Variants in KCNIP1 observed in about 807,000 individuals in gnomAD.
KCNIP1 encodes the protein potassium voltage-gated channel interacting protein 1, also known as A-type potassium channel modulatory protein KCNIP1.
KCNIP1 carries 18 observed loss-of-function variants against 33.0 expected under a neutral mutation model. The observed-to-expected ratio is 0.55, with a 90% confidence interval of 0.38 to 0.81. The LOEUF is 0.81. Among genes scored for constraint, KCNIP1 ranks in the 30% least tolerant of loss-of-function variants. The pLI is 0.00. For missense variants in KCNIP1, 238 were observed against 271.6 expected, an observed-to-expected ratio of 0.88 and a Z score of 0.87; for synonymous variants, 93 against 98.3, an observed-to-expected ratio of 0.95 and a Z score of 0.32.
chr5:170,657,435 C>CA (rs1761316517), intron 1 of KCNIP1, among the ~76,000 whole-genome samples: 1 of 152,198 alleles, frequency 6.6e-6, no homozygotes, highest in Admixed American at 6.5e-5. Flanking sequence ...AGGCACCCAC[C>CA]ACCGCCTTGG....
intron 1 of KCNIP1, among the ~76,000 whole-genome samples, chr5:170,717,478 C>G (rs1763678294): frequency 1.3e-5 from 2 of 152,078 alleles, no homozygotes; most frequent in Non-Finnish European, 2.9e-5. Context: ...ATATGTATTG[C>G]CCAGCACATG....
At chr5:170,451,804 G>C (rs1036686097) in intron 1 of KCNIP1, among the ~76,000 whole-genome samples, 2 of 144,436 alleles carry the variant, frequency 1.4e-5, no homozygotes, top group African/African-American at 5.2e-5. Context: ...TGCTGTCCTG[G>C]GTGTCCGTGA....
chr5:170,507,546 A>G (rs1362501034), intron 1 of KCNIP1, among the ~76,000 whole-genome samples: 1 of 152,216 alleles, frequency 6.6e-6, no homozygotes, highest in African/African-American at 2.4e-5. Flanking sequence ...CCAGATAACT[A>G]GGACCAAAAA....
intron 1 of KCNIP1, among the ~76,000 whole-genome samples, chr5:170,642,803 A>G (rs946920086): frequency 5.3e-5 from 8 of 152,220 alleles, no homozygotes; most frequent in East Asian, 1.9e-4. Context: ...ACATAATGCA[A>G]TGTAACTTGC....
intron 1 of KCNIP1, among the ~76,000 whole-genome samples, chr5:170,656,996 C>CTTTTTTT (rs397999901): frequency 9.1e-6 from 1 of 109,736 alleles, no homozygotes; most frequent in African/African-American, 3.7e-5. Flanking sequence ...TTCTTTCTTT[C>CTTTTTTT]TTTTTTTTTT....
chr5:170,472,469 T>C (rs1756754544), intron 1 of KCNIP1, among the ~76,000 whole-genome samples: 1 of 152,172 alleles, frequency 6.6e-6, no homozygotes, highest in Non-Finnish European at 1.5e-5. Flanking sequence ...GTACAGGTGG[T>C]GTTTGGTTAC....
intron 1 of KCNIP1, among the ~76,000 whole-genome samples, chr5:170,390,517 A>AAAAAATATATATATATATATATATAT: frequency 1.3e-5 from 1 of 74,538 alleles, no homozygotes; most frequent in Non-Finnish European, 2.5e-5. Flanking sequence ...AAAAAAAACA[A>AAAAAATATATATATATATATATATAT]ATATATATAT....
intron 1 of KCNIP1, among the ~76,000 whole-genome samples, chr5:170,539,206 A>C (rs1756103481): frequency 6.6e-6 from 1 of 152,090 alleles, no homozygotes; most frequent in Admixed American, 6.5e-5. Flanking sequence ...GTCACTATTA[A>C]TTCATATGTC....
chr5:170,570,614 C>T (rs574761950), intron 1 of KCNIP1, among the ~76,000 whole-genome samples: 1 of 152,354 alleles, frequency 6.6e-6, no homozygotes, highest in Non-Finnish European at 1.5e-5. Flanking sequence ...CAGCATTCCT[C>T]AGCCTGCTCA....
At chr5:170,359,032 G>A (rs116484364) in intron 1 of KCNIP1, among the ~76,000 whole-genome samples, 296 of 152,308 alleles carry the variant, frequency 1.9e-3, no homozygotes, top group African/African-American at 6.9e-3. Context: ...GTCATGCAAA[G>A]GGTTGTGACA....
At chr5:170,596,724 A>T (rs745781382) in intron 1 of KCNIP1, among the ~76,000 whole-genome samples, 1 of 152,222 alleles carries the variant, frequency 6.6e-6, no homozygotes, top group East Asian at 1.9e-4. Flanking sequence ...AGACCTGCTT[A>T]ATCAGTGGGG....
intron 1 of KCNIP1, among the ~76,000 whole-genome samples, chr5:170,705,897 C>T (rs147288857): frequency 9.8e-5 from 15 of 152,286 alleles, no homozygotes; most frequent in African/African-American, 3.6e-4. Flanking sequence ...ATGGAAATAA[C>T]ATTTTTGAGC....
Position 170,603,581 on chromosome 5 carries a change from G to A in KCNIP1, c.61+98948G>A, listed in dbSNP as rs538041954. On this transcript the variant is annotated intron_variant, in intron 1 of 7. Transcript: ENST00000328939. Reference sequence around the variant, plus strand: ...CAAGATAGGCTGTGCACAGGGGTCTGAGCAGGACCCTTGGGGCAGGAGGAG... The same window carrying A: ...CAAGATAGGCTGTGCACAGGGGTCTAAGCAGGACCCTTGGGGCAGGAGGAG... Among the ~76,000 whole-genome samples the A allele has an allele frequency of 9.7e-4, 148 of 152,292 alleles. 1 individual carries two copies. The highest frequency in any genetic ancestry group is 3.2e-3 in the African/African-American group (135 of 41,548).
chr5:170,584,243 C>G (rs1434651194), intron 1 of KCNIP1, among the ~76,000 whole-genome samples: 3 of 152,198 alleles, frequency 2.0e-5, no homozygotes, highest in Non-Finnish European at 1.5e-5. Flanking sequence ...TGCCATGATC[C>G]CCAGACTCCG....
intron 1 of KCNIP1, among the ~76,000 whole-genome samples, chr5:170,496,522 T>G (rs1412924471): frequency 6.6e-6 from 1 of 152,170 alleles, no homozygotes; most frequent in Non-Finnish European, 1.5e-5. Context: ...ATGGGGCTAT[T>G]GAAATGATTA....
intron 1 of KCNIP1, among the ~76,000 whole-genome samples, chr5:170,524,925 A>G (rs1755512036): frequency 6.6e-6 from 1 of 152,064 alleles, no homozygotes; most frequent in African/African-American, 2.4e-5. Flanking sequence ...CAAACCCCTG[A>G]CTCTGAGAAG....
chr5:170,693,667 C>A (rs1177386088), intron 1 of KCNIP1, among the ~76,000 whole-genome samples: 3 of 152,186 alleles, frequency 2.0e-5, no homozygotes, highest in African/African-American at 7.2e-5. Flanking sequence ...TTGACATGAA[C>A]AAGCTTCAAT....
At chr5:170,731,023 G>C (rs1764174499) in intron 5 of KCNIP1, among the ~76,000 whole-genome samples, 1 of 152,104 alleles carries the variant, frequency 6.6e-6, no homozygotes. Flanking sequence ...AGAGAAGGTA[G>C]CTCTTCCTTA....
At chr5:170,563,632 GTTT>G (rs34263461) in intron 1 of KCNIP1, among the ~76,000 whole-genome samples, 28,771 of 149,086 alleles carry the variant, frequency 0.19, 2,891 homozygotes, top group South Asian at 0.28. Context: ...AAGGTGTTTT[GTTT>G]TTTTTTTTGT....
Sources: gnomAD v4.1 joint callset for allele counts (sites outside exome capture counted in the v4.1 genomes callset) on GRCh38, gnomAD v4.1.1 for gene constraint, MANE v1.5 for transcripts, NCBI Gene and HGNC (gene_info 2026-07-23, HGNC 2026-07-21) for gene names.